The following TGM6 variants were observed in gnomAD, a reference collection of about 807,000 sequenced individuals.
TGM6 encodes transglutaminase 6, also known as protein-glutamine gamma-glutamyltransferase 6.
Under a neutral mutation model 77.5 loss-of-function variants are expected in TGM6, and 74 were observed. The ratio of observed to expected loss-of-function variants is 0.96; its 90% confidence interval spans 0.79 to 1.16. The LOEUF is 1.16. Ranked by LOEUF, TGM6 falls within the 50% of genes most tolerant of loss-of-function variation. The pLI is 0.00. For synonymous variants in TGM6, 383 were observed against 378.9 expected, an observed-to-expected ratio of 1.01 and a Z score of -0.12; for missense variants, 968 against 940.2, an observed-to-expected ratio of 1.03 and a Z score of -0.39.
chr20:2,381,639 G>A (rs975696840), intron 1 of TGM6, among the ~76,000 whole-genome samples: 6 of 152,152 alleles, frequency 3.9e-5, no homozygotes, highest in African/African-American at 9.7e-5. Context: ...AATGTGGGTC[G>A]GGCACAGTGG....
In TGM6 at chr20:2,430,466, A is replaced by T. The variant is rs755963150; in HGVS notation, c.1699A>T (p.Ile567Leu). 9.3e-6 allele frequency: 15 copies of T among 1,614,200 alleles called. No individual in the cohort carries two copies. The highest frequency in any genetic ancestry group is 1.3e-5 in the Non-Finnish European group (15 of 1,180,038). ...PQEEKRIPIT[I>L]SYSKYKEDLT... Reference sequence around the variant, plus strand: ...TCCAGAGAAGAGAATCCCAATTACAATATCTTACTCTAAGTATAAAGAAGA... The same window carrying T: ...TCCAGAGAAGAGAATCCCAATTACATTATCTTACTCTAAGTATAAAGAAGA... The change falls in exon 11 of 13, where the codon ATA (isoleucine) becomes TTA (leucine). Residue 567 changes from isoleucine (I) to leucine (L), a missense_variant. Transcript: ENST00000202625.
intron 5 of TGM6, among the ~76,000 whole-genome samples, chr20:2,398,703 A>G (rs1021530133): frequency 6.6e-6 from 1 of 152,116 alleles, no homozygotes; most frequent in Non-Finnish European, 1.5e-5. Context: ...AGGCCAGCCC[A>G]GACTCAAGAG....
At chr20:2,411,636 A>C (rs1168762871) in intron 9 of TGM6, among the ~76,000 whole-genome samples, 1 of 152,200 alleles carries the variant, frequency 6.6e-6, no homozygotes, top group Non-Finnish European at 1.5e-5. Flanking sequence ...TTTTTATGGA[A>C]GTACTAGCCA....
intron 10 of TGM6, among the ~76,000 whole-genome samples, chr20:2,429,773 A>C (rs1190467711): frequency 2.0e-5 from 3 of 152,160 alleles, no homozygotes; most frequent in African/African-American, 7.2e-5. Flanking sequence ...GTCTCCAAAA[A>C]AAAAAAAAGA....
intron 10 of TGM6, among the ~76,000 whole-genome samples, chr20:2,422,230 G>A (rs751384378): frequency 3.3e-5 from 5 of 152,182 alleles, no homozygotes; most frequent in Admixed American, 6.5e-5. Flanking sequence ...TTAGGTCAAT[G>A]ATTCAGTTTA....
Position 2,399,549 on chromosome 20 carries a change from T to C in TGM6, c.673-12T>C. 1 of 1,612,360 alleles carries C rather than the reference T, an allele frequency of 6.2e-7. No homozygotes were observed. On this transcript the variant is annotated splice_polypyrimidine_tract_variant and intron_variant, in intron 5 of 12. Transcript: ENST00000202625. ...CCTGCCTGGTTGTGGACCCGTGCCC[T>C]CCTCTGCCCAGGTGAACAGCAACAA...
intron 10 of TGM6, among the ~76,000 whole-genome samples, chr20:2,424,499 A>C (rs1209461864): frequency 6.6e-6 from 1 of 152,236 alleles, no homozygotes; most frequent in Admixed American, 6.5e-5. Flanking sequence ...ATAGAATTGA[A>C]GAGAATCAGG....
At chr20:2,419,561 T>G (rs1477153649) in intron 10 of TGM6, among the ~76,000 whole-genome samples, 1 of 152,226 alleles carries the variant, frequency 6.6e-6, no homozygotes, top group African/African-American at 2.4e-5. Flanking sequence ...TCACCTATGA[T>G]TCTACCACCC....
intron 10 of TGM6, among the ~76,000 whole-genome samples, chr20:2,427,086 C>A: frequency 6.7e-6 from 1 of 148,456 alleles, no homozygotes; most frequent in Non-Finnish European, 1.5e-5. Flanking sequence ...ATTTTTTTTT[C>A]TTAAATTCTT....
chr20:2,387,835 G>A (rs547253809), intron 1 of TGM6, among the ~76,000 whole-genome samples: 1 of 152,222 alleles, frequency 6.6e-6, no homozygotes, highest in African/African-American at 2.4e-5. Context: ...GATTGCCTGG[G>A]GGCTGAAGGA....
intron 4 of TGM6, among the ~76,000 whole-genome samples, 195 bp downstream of exon 4, chr20:2,396,819 G>A (rs1246748504): frequency 6.6e-6 from 1 of 152,198 alleles, no homozygotes; most frequent in African/African-American, 2.4e-5. Flanking sequence ...AAGGGGAGGT[G>A]CTTTGGACAA....
At chr20:2,422,281 T>C (rs935623671) in intron 10 of TGM6, among the ~76,000 whole-genome samples, 2 of 152,224 alleles carry the variant, frequency 1.3e-5, no homozygotes. Context: ...TCTAGATTGT[T>C]TTTCCCCGTG....
At chr20:2,407,575 C>T (rs1228176457) in intron 9 of TGM6, among the ~76,000 whole-genome samples, 4 of 152,152 alleles carry the variant, frequency 2.6e-5, no homozygotes, top group South Asian at 2.1e-4. Context: ...GCAGAGATTA[C>T]GTCACTACAC....
rs1163863205 is a variant in TGM6 at position 2,396,733 on chromosome 20, C to T, written c.543+109C>T. 4 of 1,012,982 alleles carry T rather than the reference C, an allele frequency of 3.9e-6. No individual in the cohort carries two copies. The Admixed American group carries it at 5.9e-5, about 15-fold the overall frequency. 62.7% of individuals were successfully genotyped at this position (1,012,982 alleles called of 1,614,324 possible). A position where few individuals can be genotyped will look rare whatever the true frequency, so the allele number is the denominator to read the frequency against. The stretch of plus-strand genomic sequence containing the variant: ...CTTCTCAGGAGGGACAAGGGGGGCT[C>T]ACTCCTAGAGAAAACCCACTCATTC... On this transcript the variant is annotated intron_variant, in intron 4 of 12. Coordinates refer to ENST00000202625, the MANE Select transcript of TGM6 (RefSeq NM_198994.3).
intron 9 of TGM6, among the ~76,000 whole-genome samples, chr20:2,411,588 A>G (rs891570322): frequency 6.6e-6 from 1 of 152,228 alleles, no homozygotes; most frequent in African/African-American, 2.4e-5. Flanking sequence ...AATCAGGGAC[A>G]AGACCAAGAT....
intron 7 of TGM6, among the ~76,000 whole-genome samples, chr20:2,403,009 T>C (rs2084721693): frequency 1.3e-5 from 2 of 152,226 alleles, no homozygotes; most frequent in African/African-American, 4.8e-5. Context: ...AGTAGGTCTA[T>C]AGGGGTTGTT....
rs912550698 is a variant in TGM6, at chr20:2,417,267, G to A, written c.1372G>A (p.Val458Met). The A allele has an allele frequency of 6.2e-7, 1 of 1,608,796 alleles. No homozygotes were observed. Among genetic ancestry groups the A allele is most frequent in the Admixed American group, 1.7e-5 (1 of 59,314 alleles). Residue 458 changes from valine to methionine, a missense_variant, in exon 10 of 13, where the codon GTG (valine) becomes ATG (methionine). Val to Met is a conservative substitution (Grantham distance 21). Transcript: ENST00000202625. ...RKERQVYSKA[V>M]NRLFGVEASG... ...AGAGAGGCAGGTGTACAGCAAGGCGGTGAACAGGCTGTTCGGCGTGGAAGC... is the reference window on the plus strand; with the variant it reads ...AGAGAGGCAGGTGTACAGCAAGGCGATGAACAGGCTGTTCGGCGTGGAAGC...
At chr20:2,388,496 G>A (rs2084610382) in intron 1 of TGM6, among the ~76,000 whole-genome samples, 1 of 152,148 alleles carries the variant, frequency 6.6e-6, no homozygotes, top group Non-Finnish European at 1.5e-5. Flanking sequence ...TCTGGGTCAT[G>A]TGCAGTGGCT....
At position 2,432,592 on chromosome 20, in the gene TGM6, C is replaced by A; in HGVS notation, c.2070C>A (p.His690Gln). The A allele has an allele frequency of 6.2e-7, 1 of 1,614,164 alleles. No individual in the cohort carries two copies. The highest frequency in any genetic ancestry group is 8.5e-7 in the Non-Finnish European group (1 of 1,180,028). ...RQLQVDLVSP[H>Q]FPDIKGFVIV... The stretch of plus-strand genomic sequence containing the variant: ...TGCAGGTGGACCTTGTAAGCCCTCA[C>A]TTCCCGGACATCAAGGGCTTTGTGA... The change falls in exon 13 of 13, where the codon CAC becomes CAA. Residue 690 changes from histidine (H) to glutamine (Q), a missense_variant. Transcript: ENST00000202625.
Sources: allele counts gnomAD v4.1 joint callset (sites outside exome capture counted in the v4.1 genomes callset), GRCh38; gene constraint gnomAD v4.1.1; transcripts MANE v1.5; gene names NCBI Gene and HGNC (gene_info 2026-07-23, HGNC 2026-07-21).